The following JAKMIP1 variants were observed in gnomAD, a reference collection of about 807,000 sequenced individuals.
JAKMIP1 encodes janus kinase and microtubule-interacting protein 1.
Under a neutral mutation model 113.0 loss-of-function variants are expected in JAKMIP1, and 33 were observed. The observed-to-expected ratio is 0.29, with a 90% confidence interval of 0.22 to 0.39. The LOEUF is 0.39. JAKMIP1 is among the 10% of genes least tolerant of loss of function. The pLI is 1.00. For synonymous variants in JAKMIP1, 480 were observed against 459.9 expected, an observed-to-expected ratio of 1.04 and a Z score of -0.56; for missense variants, 813 against 1,080.5, an observed-to-expected ratio of 0.75 and a Z score of 3.47.
rs528074749 is a variant in JAKMIP1 at position 6,192,596 on chromosome 4, G to T, written c.-148+7657C>A. 6.6e-6 allele frequency among the ~76,000 whole-genome samples: 1 copy of T among 152,136 alleles called. No individual in the cohort carries two copies. The highest frequency in any genetic ancestry group is 1.5e-5 in the Non-Finnish European group (1 of 68,030). ...CAGAAAGATGAAGGAACGAGCACTC[G>T]ATCACAGAGCTAGCAGGGTGGAGTT... is the stretch of plus-strand genomic sequence containing the variant. On this transcript the variant is annotated intron_variant, in intron 1 of 20. Transcript: ENST00000409021. The surrounding 1 kb of genome is among the most constrained non-coding windows in gnomAD (Gnocchi z 5.0).
chr4:6,085,461 G>T lies in JAKMIP1; in HGVS notation c.793C>A (p.Pro265Thr). 2 of 1,613,964 alleles carry T rather than the reference G, an allele frequency of 1.2e-6. No homozygotes were observed. Among genetic ancestry groups the T allele is most frequent in the Non-Finnish European group, 1.7e-6 (2 of 1,180,016 alleles). ...RHHSSPKREL[P>T]PGIGDMVELM... ...TCCACCATGTCCCCGATCCCGGGCG[G>T]GAGCTCTCTCTTTGGACTACTGTGG... Residue 265 changes from proline to threonine, a missense_variant, in exon 4 of 21, where the codon CCG becomes ACG. By Grantham distance (38) the Pro-to-Thr change is conservative (BLOSUM62 -1). Transcript: ENST00000409021.
At chr4:6,189,214 C>A (rs1435763469) in intron 1 of JAKMIP1, among the ~76,000 whole-genome samples, 1 of 152,232 alleles carries the variant, frequency 6.6e-6, no homozygotes, top group Non-Finnish European at 1.5e-5. Flanking sequence ...GAACAGCATT[C>A]TAACATTTTT....
chr4:6,083,105 A>G (rs1231628463), intron 5 of JAKMIP1, among the ~76,000 whole-genome samples: 1 of 152,138 alleles, frequency 6.6e-6, no homozygotes, highest in African/African-American at 2.4e-5. Flanking sequence ...TAGTTACCTC[A>G]TGATTTTAAG....
Position 6,076,623 on chromosome 4 carries a change from T to C in JAKMIP1, c.1302+2316A>G, listed in dbSNP as rs939245332. ...GGGAGCCAAATTGCACCCATAGATATATTTTATGTGGCCCACAGGTATATA... is the reference window on the plus strand; with the variant it reads ...GGGAGCCAAATTGCACCCATAGATACATTTTATGTGGCCCACAGGTATATA... On this transcript the variant is annotated intron_variant, in intron 8 of 20. Transcript: ENST00000409021. The surrounding 1 kb of genome is among the most constrained non-coding windows in gnomAD (Gnocchi z 4.8). 6.6e-6 allele frequency among the ~76,000 whole-genome samples: 1 copy of C among 152,142 alleles called. No individual in the cohort carries two copies. Among genetic ancestry groups the C allele is most frequent in the Non-Finnish European group, 1.5e-5 (1 of 68,016 alleles).
At position 6,078,313 on chromosome 4, in the gene JAKMIP1, T is replaced by TAA. The variant is rs1270876048; in HGVS notation, c.1302+624_1302+625dup. Among the ~76,000 whole-genome samples, 428 of 93,570 alleles carry TAA rather than the reference T, an allele frequency of 4.6e-3. 4 individuals carry two copies. The highest frequency in any genetic ancestry group is 0.019 in the African/African-American group (412 of 21,602). The allele number at this position is 93,570 out of a possible 152,430, so 61.4% of individuals were successfully genotyped here. A position where few individuals can be genotyped will look rare whatever the true frequency, so the allele number is the denominator to read the frequency against. On this transcript the variant is annotated intron_variant, in intron 8 of 20. Coordinates refer to ENST00000409021, the MANE Select transcript of JAKMIP1 (RefSeq NM_001099433.2). ...CTGGACAACAGAGTGAGACTCTGTCTAAAAAAAAAAAACAAAAAAAAAATG... is the reference window on the plus strand; with the variant it reads ...CTGGACAACAGAGTGAGACTCTGTCTAAAAAAAAAAAAAACAAAAAAAAAATG...
At position 6,081,423 on chromosome 4, in the gene JAKMIP1, A is replaced by T. The variant is rs985413315; in HGVS notation, c.1101+186T>A. Among the ~76,000 whole-genome samples the T allele has an allele frequency of 2.0e-5, 3 of 152,238 alleles. No homozygotes were observed. Among genetic ancestry groups the T allele is most frequent in the African/African-American group, 7.2e-5 (3 of 41,476 alleles). On this transcript the variant is annotated intron_variant, in intron 6 of 20. Coordinates refer to ENST00000409021, the MANE Select transcript of JAKMIP1 (RefSeq NM_001099433.2). The surrounding 1 kb of genome is among the most constrained non-coding windows in gnomAD (Gnocchi z 4.6). ...ACTCCCTCTGGGCACAAACACCCAC[A>T]GCACAGTGAATGTGAGACAGGTGGA...
In JAKMIP1 at chr4:6,080,548, G is replaced by A. The variant is rs996635266; in HGVS notation, c.1102-236C>T. ...GGTGGGAGATCATTGAATCATGGTG[G>A]CGGTTTCTCTCATACTATTCTCGTG... On this transcript the variant is annotated intron_variant, in intron 6 of 20. Transcript: ENST00000409021. This position sits in a 1 kb window ranked among gnomAD's most constrained non-coding sequence, Gnocchi z 6.0. Among the ~76,000 whole-genome samples the A allele has an allele frequency of 6.6e-6, 1 of 152,104 alleles. No homozygotes were observed. Among genetic ancestry groups the A allele is most frequent in the African/African-American group, 2.4e-5 (1 of 41,408 alleles).
chr4:6,117,759 C>T (rs1716045687), intron 1 of JAKMIP1, among the ~76,000 whole-genome samples: 1 of 152,040 alleles, frequency 6.6e-6, no homozygotes, highest in African/African-American at 2.4e-5. Context: ...CCCCTAGGTG[C>T]GCATTCTCTT....
chr4:6,037,610 G>C (rs901694020), intron 18 of JAKMIP1, among the ~76,000 whole-genome samples: 2 of 144,242 alleles, frequency 1.4e-5, no homozygotes, highest in Non-Finnish European at 3.0e-5. Context: ...CGAGGCAGAG[G>C]CTAACCGGTA....
chr4:6,189,026 T>A (rs1372926178), intron 1 of JAKMIP1, among the ~76,000 whole-genome samples: 1 of 152,158 alleles, frequency 6.6e-6, no homozygotes, highest in Non-Finnish European at 1.5e-5. Context: ...CTGCCGGGCA[T>A]AATGAGCTCA....
At chr4:6,131,318 C>A (rs1448636152) in intron 1 of JAKMIP1, among the ~76,000 whole-genome samples, 5 of 141,714 alleles carry the variant, frequency 3.5e-5, no homozygotes, top group Non-Finnish European at 6.0e-5. Flanking sequence ...TGTCAGACAC[C>A]AAACCACAGA....
rs949010291 is a variant in JAKMIP1, at chr4:6,108,494, C to T, written c.130-2527G>A. ...GAGAAATTATCTGAACCACCAGCAC[C>T]ACCCTCACTTGCCACTCCCACTCAG... On this transcript the variant is annotated intron_variant, in intron 2 of 20. Transcript: ENST00000409021. The surrounding 1 kb of genome is among the most constrained non-coding windows in gnomAD (Gnocchi z 5.6). Among the ~76,000 whole-genome samples, 7 of 152,138 alleles carry T rather than the reference C, an allele frequency of 4.6e-5. No individual in the cohort carries two copies. The highest frequency in any genetic ancestry group is 2.0e-4 in the Admixed American group (3 of 15,266).
At chr4:6,127,069 A>G (rs766861146) in intron 1 of JAKMIP1, among the ~76,000 whole-genome samples, 7 of 152,088 alleles carry the variant, frequency 4.6e-5, no homozygotes, top group Non-Finnish European at 7.4e-5. Context: ...GGCCGCACAG[A>G]GTTGGTGGCT....
At chr4:6,189,765 A>T (rs922909054) in intron 1 of JAKMIP1, among the ~76,000 whole-genome samples, 7 of 151,628 alleles carry the variant, frequency 4.6e-5, no homozygotes, top group Admixed American at 3.3e-4. Flanking sequence ...CAGCCTGGGG[A>T]TGGAGTTTTC....
chr4:6,159,217 C>T (rs1722607151), intron 1 of JAKMIP1, among the ~76,000 whole-genome samples: 1 of 152,030 alleles, frequency 6.6e-6, no homozygotes, highest in South Asian at 2.1e-4. Flanking sequence ...TAGCCACCTA[C>T]AGCCTCACAG....
Position 6,105,664 on chromosome 4 carries a change from C to T in JAKMIP1, c.433G>A (p.Asp145Asn). The change falls in exon 3 of 21, where the codon GAT (aspartate) becomes AAT (asparagine). Residue 145 changes from aspartate to asparagine, a missense_variant. Asp to Asn is a conservative substitution (Grantham distance 23). Around this residue, in one of 2 missense-constraint regions of JAKMIP1, gnomAD observed 540 missense variants for 653.9 expected, o/e 0.83. Coordinates refer to ENST00000409021, the MANE Select transcript of JAKMIP1 (RefSeq NM_001099433.2). ...TGCTGCAGCCGCAGGCGCTCTCCAT[C>T]GAAGGCCCTGCGCGCCTCCTCGCGC... ...EAREEARRAFDGERLRLQQEI... is the reference protein window; with the variant it reads ...EAREEARRAFNGERLRLQQEI... 4 of 1,602,170 alleles carry T rather than the reference C, an allele frequency of 2.5e-6. No individual in the cohort carries two copies. Among genetic ancestry groups the T allele is most frequent in the Non-Finnish European group, 3.4e-6 (4 of 1,175,948 alleles).
chr4:6,125,664 A>C (rs1249810875), intron 1 of JAKMIP1, among the ~76,000 whole-genome samples: 3 of 145,716 alleles, frequency 2.1e-5, no homozygotes, highest in Non-Finnish European at 4.5e-5. Flanking sequence ...AGAAACACAC[A>C]CACACCATAC....
rs1291124278 is a variant in JAKMIP1, at chr4:6,035,963, G to A, written c.2320C>T (p.Arg774Cys). The A allele has an allele frequency of 3.2e-6, 5 of 1,551,314 alleles. No homozygotes were observed. The highest frequency in any genetic ancestry group is 4.4e-6 in the Non-Finnish European group (5 of 1,146,968). ...KVRRQILRQS[R>C]EFDSQILRER... Reference sequence around the variant, plus strand: ...CGCAGGATCTGGCTGTCGAACTCGCGGCTCTGCCTGAGGATCTGCCTGCGC... The same window carrying A: ...CGCAGGATCTGGCTGTCGAACTCGCAGCTCTGCCTGAGGATCTGCCTGCGC... Residue 774 changes from arginine to cysteine, a missense_variant, in exon 19 of 21, where the codon CGC becomes TGC. Physicochemically the swap from Arg to Cys is radical, Grantham distance 180 (BLOSUM62 -3). Coordinates refer to ENST00000409021, the MANE Select transcript of JAKMIP1 (RefSeq NM_001099433.2).
intron 13 of JAKMIP1, 151 bp downstream of exon 13, chr4:6,053,899 A>T (rs1043764298): frequency 5.4e-5 from 46 of 852,096 alleles, no homozygotes; most frequent in South Asian, 9.2e-5. Flanking sequence ...ATACAGATTT[A>T]AAAAAAAAAA....
Sources: allele counts gnomAD v4.1 joint callset (sites outside exome capture counted in the v4.1 genomes callset), GRCh38; gene constraint gnomAD v4.1.1; regional missense constraint gnomAD v4.1.1; non-coding constraint Gnocchi (gnomAD v3.1); transcripts MANE v1.5; gene names NCBI Gene and HGNC (gene_info 2026-07-23, HGNC 2026-07-21).